The following TMEM178B variants were observed in gnomAD, a reference collection of about 807,000 sequenced individuals.
TMEM178B encodes transmembrane protein 178B.
In TMEM178B, 5 loss-of-function variants were observed where a neutral mutation model predicts 31.0. The ratio of observed to expected loss-of-function variants is 0.16; its 90% CI spans 0.08 to 0.34. The LOEUF is 0.34. Among genes scored for constraint, TMEM178B ranks in the 10% least tolerant of loss-of-function variants. The pLI is 1.00. For missense variants in TMEM178B, 275 were observed against 400.3 expected (o/e 0.69, Z 2.67); for synonymous variants, 164 against 164.0 (o/e 1.00, Z 0.00).
In TMEM178B at chr7:141,471,598, G is replaced by C. The variant is rs1028754355; in HGVS notation, c.*812G>C. 2.0e-5 allele frequency: 3 copies of C among 151,906 alleles called. No individual in the cohort carries two copies. Among genetic ancestry groups the C allele is most frequent in the Non-Finnish European group, 4.4e-5 (3 of 67,998 alleles). The allele number at this position is 151,906 out of a possible 1,614,324, so 9.4% of individuals were successfully genotyped here. A position where few individuals can be genotyped will look rare whatever the true frequency, so the allele number is the denominator to read the frequency against. On this transcript the variant is annotated 3_prime_UTR_variant, in exon 4 of 4. Coordinates refer to ENST00000565468, the MANE Select transcript of TMEM178B (RefSeq NM_001195278.2). The surrounding 1 kb of genome is among the most constrained non-coding windows in gnomAD (Gnocchi z 4.1). Reference sequence around the variant, plus strand: ...TGTGCGTGCATGTGTACTTTGGGCGGTTTCCTTTTTTTCTTTTCTACCTTT... The same window carrying C: ...TGTGCGTGCATGTGTACTTTGGGCGCTTTCCTTTTTTTCTTTTCTACCTTT...
At chr7:141,397,159 G>A (rs188312300) in intron 2 of TMEM178B, among the ~76,000 whole-genome samples, 50 of 152,318 alleles carry the variant, frequency 3.3e-4, no homozygotes, top group South Asian at 6.2e-4. Context: ...TAATGAGATC[G>A]TGGAATTTTC....
intron 2 of TMEM178B, among the ~76,000 whole-genome samples, chr7:141,327,773 C>T (rs1799219450): frequency 6.6e-6 from 1 of 152,090 alleles, no homozygotes; most frequent in East Asian, 1.9e-4. Flanking sequence ...TGAGTTTAGC[C>T]ACTGCACCAA....
intron 2 of TMEM178B, among the ~76,000 whole-genome samples, chr7:141,358,979 C>A (rs1799870872): frequency 6.6e-6 from 1 of 152,150 alleles, no homozygotes; most frequent in Admixed American, 6.5e-5. Context: ...ACAGACAGTT[C>A]ATAGTTACTA....
intron 2 of TMEM178B, among the ~76,000 whole-genome samples, chr7:141,232,944 C>A (rs1739919510): frequency 1.3e-5 from 2 of 152,198 alleles, no homozygotes; most frequent in African/African-American, 4.8e-5. Flanking sequence ...CTGAGTACAG[C>A]TGTGAGCTGC....
chr7:141,083,383 T>A (rs1794719556), intron 1 of TMEM178B, among the ~76,000 whole-genome samples: 1 of 151,758 alleles, frequency 6.6e-6, no homozygotes, highest in South Asian at 2.1e-4. Flanking sequence ...GATGAGAAAG[T>A]TAGATTTAGG....
rs558187937 is a variant in TMEM178B at position 141,358,252 on chromosome 7, A to G, written c.497-79356A>G. ...ATCTAATTTCACATGGGAAGTTGTT[A>G]TCATTTATATTGAAATGCATTGCCT... On this transcript the variant is annotated intron_variant, in intron 2 of 3. Transcript: ENST00000565468. Among the ~76,000 whole-genome samples, 316 of 152,304 alleles carry G rather than the reference A, an allele frequency of 2.1e-3. 2 individuals are homozygous for G. Among genetic ancestry groups the G allele is most frequent in the African/African-American group, 7.3e-3 (304 of 41,568 alleles).
chr7:141,323,667 G>A (rs1317827781), intron 2 of TMEM178B, among the ~76,000 whole-genome samples: 2 of 152,162 alleles, frequency 1.3e-5, no homozygotes, highest in Middle Eastern at 3.2e-3. Flanking sequence ...AGTATTTACT[G>A]AGTGTCATAC....
At chr7:141,462,435 G>C (rs1802075603) in intron 3 of TMEM178B, among the ~76,000 whole-genome samples, 1 of 152,014 alleles carries the variant, frequency 6.6e-6, no homozygotes, top group South Asian at 2.1e-4. Context: ...GTTCAAGTCA[G>C]AGGAGGGGAG....
chr7:141,185,576 A>G lies in TMEM178B; in HGVS notation c.383-27015A>G, dbSNP rs565446707. On this transcript the variant is annotated intron_variant, in intron 1 of 3. Transcript: ENST00000565468. ...TTCCTCCACCAATGTGTTTTCTCCTATCTCCAGCTGCTTGTGTCTTCTTCC... is the reference window on the plus strand; with the variant it reads ...TTCCTCCACCAATGTGTTTTCTCCTGTCTCCAGCTGCTTGTGTCTTCTTCC... Among the ~76,000 whole-genome samples, 9 of 151,958 alleles carry G rather than the reference A, an allele frequency of 5.9e-5. No individual in the cohort carries two copies. The South Asian group carries it at 1.0e-3, about 18-fold the overall frequency.
chr7:141,128,376 AGTTATCAAACTTCTTTGGTCTTCAGACT>A (rs1795539745), intron 1 of TMEM178B, among the ~76,000 whole-genome samples: 1 of 152,126 alleles, frequency 6.6e-6, no homozygotes, highest in African/African-American at 2.4e-5. Context: ...ATAGCTAAGG[AGTTATCAAACTTCTTTGGTCTTCAGACT>A]TATTTGGCAA....
intron 1 of TMEM178B, among the ~76,000 whole-genome samples, chr7:141,186,304 G>T (rs1202158381): frequency 6.6e-6 from 1 of 152,028 alleles, no homozygotes; most frequent in African/African-American, 2.4e-5. Flanking sequence ...GCATTTTTAG[G>T]GTACCAAGTC....
intron 2 of TMEM178B, among the ~76,000 whole-genome samples, chr7:141,418,574 TA>T: frequency 6.6e-6 from 1 of 152,264 alleles, no homozygotes; most frequent in Middle Eastern, 3.4e-3. Context: ...TGGTGACCCT[TA>T]TGCTAGGTTT....
At chr7:141,167,614 C>A (rs1305701682) in intron 1 of TMEM178B, among the ~76,000 whole-genome samples, 2 of 152,216 alleles carry the variant, frequency 1.3e-5, no homozygotes, top group Non-Finnish European at 2.9e-5. Flanking sequence ...GTCTGATGTG[C>A]CCTCTCACAA....
Position 141,344,136 on chromosome 7 carries a change from G to T in TMEM178B, c.497-93472G>T, listed in dbSNP as rs116145797. Among the ~76,000 whole-genome samples the T allele has an allele frequency of 7.9e-5, 12 of 152,306 alleles. No homozygotes were observed. The South Asian group carries it at 2.3e-3, about 29-fold the overall frequency. ...TTAGGTTGGTGCAAAAGTAATTGTG[G>T]TTTTTGCCATTACTTTTAAGGGTGA... On this transcript the variant is annotated intron_variant, in intron 2 of 3. Coordinates refer to ENST00000565468, the MANE Select transcript of TMEM178B (RefSeq NM_001195278.2). The surrounding 1 kb of genome is among the most constrained non-coding windows in gnomAD (Gnocchi z 4.1).
intron 2 of TMEM178B, among the ~76,000 whole-genome samples, chr7:141,217,107 T>C (rs1248463804): frequency 6.6e-6 from 1 of 152,214 alleles, no homozygotes; most frequent in South Asian, 2.1e-4. Flanking sequence ...TAAATGGAGC[T>C]GCTTCACTCT....
chr7:141,074,306 G>A lies in TMEM178B; in HGVS notation c.-5G>A. Reference sequence around the variant, plus strand: ...ATGCCCATGGTGTAGCCGCCAAGCGGAGGCATGGCTGCCGGAAGGTTACTG... The same window carrying A: ...ATGCCCATGGTGTAGCCGCCAAGCGAAGGCATGGCTGCCGGAAGGTTACTG... On this transcript the variant is annotated 5_prime_UTR_variant, in exon 1 of 4. Coordinates refer to ENST00000565468, the MANE Select transcript of TMEM178B (RefSeq NM_001195278.2). This position sits in a 1 kb window ranked among gnomAD's most constrained non-coding sequence, Gnocchi z 5.1. 6.6e-7 allele frequency: 1 copy of A among 1,513,120 alleles called. No individual in the cohort carries two copies. The highest frequency in any genetic ancestry group is 8.8e-7 in the Non-Finnish European group (1 of 1,131,636). The allele number at this position is 1,513,120 out of a possible 1,614,324, so 93.7% of individuals were successfully genotyped here.
chr7:141,362,334 C>T (rs887018985), intron 2 of TMEM178B, among the ~76,000 whole-genome samples: 1 of 152,148 alleles, frequency 6.6e-6, no homozygotes, highest in Non-Finnish European at 1.5e-5. Context: ...AAACATATGG[C>T]ACCATAGTCA....
At chr7:141,391,667 T>G (rs971401376) in intron 2 of TMEM178B, among the ~76,000 whole-genome samples, 1 of 152,148 alleles carries the variant, frequency 6.6e-6, no homozygotes, top group Admixed American at 6.5e-5. Flanking sequence ...AACTCTGTCC[T>G]CCATAGACAT....
chr7:141,204,544 A>G (rs181065217), intron 1 of TMEM178B, among the ~76,000 whole-genome samples: 11 of 152,330 alleles, frequency 7.2e-5, no homozygotes, highest in African/African-American at 2.6e-4. Flanking sequence ...CACTGAGGGC[A>G]ATTGCACTAG....
Sources: allele counts gnomAD v4.1 joint callset (sites outside exome capture counted in the v4.1 genomes callset), GRCh38; gene constraint gnomAD v4.1.1; non-coding constraint Gnocchi (gnomAD v3.1); transcripts MANE v1.5; gene names NCBI Gene and HGNC (gene_info 2026-07-23, HGNC 2026-07-21).